Variants in SPTA1 observed in about 807,000 individuals in gnomAD.
SPTA1 encodes the protein spectrin alpha, erythrocytic 1.
A neutral mutation model predicts 324.7 loss-of-function variants in SPTA1; 177 were observed. That is an observed-to-expected ratio of 0.55 (90% CI 0.48 to 0.62). The LOEUF is 0.62. Among genes scored for constraint, SPTA1 ranks in the 20% least tolerant of loss-of-function variants. SPTA1 has a pLI of 0.00. For missense variants in SPTA1, 3,162 were observed against 2,883.6 expected, an observed-to-expected ratio of 1.10 and a Z score of -2.21; for synonymous variants, 1,195 against 1,041.3, an observed-to-expected ratio of 1.15 and a Z score of -2.84.
intron 37 of SPTA1, among the ~76,000 whole-genome samples, chr1:158,636,263 C>A (rs1010544939): frequency 2.6e-5 from 4 of 152,180 alleles, no homozygotes; most frequent in Non-Finnish European, 5.9e-5. Flanking sequence ...CACTAGTCTA[C>A]TCTCCCTAAT....
At chr1:158,631,116 C>T (rs1650645011) in intron 39 of SPTA1, among the ~76,000 whole-genome samples, 1 of 152,128 alleles carries the variant, frequency 6.6e-6, no homozygotes, top group Non-Finnish European at 1.5e-5. Context: ...TACTGGGTAT[C>T]TACCCAAAGG....
At chr1:158,658,232 C>A (rs1445336633) in intron 18 of SPTA1, among the ~76,000 whole-genome samples, 1 of 152,068 alleles carries the variant, frequency 6.6e-6, no homozygotes, top group African/African-American at 2.4e-5. Context: ...GGTAGCTAAC[C>A]CAGATAGAAC....
At position 158,657,685 on chromosome 1, in the gene SPTA1, G is replaced by A. The variant is rs1652928523; in HGVS notation, c.2597C>T (p.Ala866Val). 1 of 1,613,910 alleles carries A rather than the reference G, an allele frequency of 6.2e-7. No homozygotes were observed. The highest frequency in any genetic ancestry group is 1.3e-5 in the African/African-American group (1 of 74,896). ...GACCCTAGAGGCCACATCTTCTGCA[G>A]CAAAGTGTCCTATGGAGTAATTATA... Reference protein sequence around the residue: ...GNKMVEEGHFAAEDVASRVKS... With the variant: ...GNKMVEEGHFVAEDVASRVKS... The change falls in exon 19 of 52, where the codon GCT becomes GTT. Residue 866 changes from alanine (A) to valine (V), a missense_variant. Transcript: ENST00000643759.
Position 158,642,868 on chromosome 1 carries a change from A to T in SPTA1, c.4551T>A (p.Ser1517Arg), listed in dbSNP as rs1464339358. Residue 1517 changes from serine (S) to arginine (R), a missense_variant, in exon 32 of 52, where the codon AGT becomes AGA. Coordinates refer to ENST00000643759, the MANE Select transcript of SPTA1 (RefSeq NM_003126.4). ...CATCACAGGCTGTGGGCAGCATCTC[A>T]CTGATCCATTCTTCCAGCTCCTCAA... ...RDLEELEEWI[S>R]EMLPTACDES... The T allele has an allele frequency of 6.2e-7, 1 of 1,613,648 alleles. No individual in the cohort carries two copies. The highest frequency in any genetic ancestry group is 8.5e-7 in the Non-Finnish European group (1 of 1,179,800).
rs758709393 is a variant in SPTA1 at position 158,654,654 on chromosome 1, A to G, written c.2993T>C (p.Met998Thr). ...FQARSPREVT[M>T]KKGDVLTLLS... ...CAGCGTTAAGACATCACCTTTCTTC[A>G]TGGTGACTTCTCGGGGGCTGCGGGC... Residue 998 changes from methionine to threonine, a missense_variant, in exon 21 of 52, where the codon ATG becomes ACG. By Grantham distance (81) the Met-to-Thr change is moderately conservative. Transcript: ENST00000643759. The G allele has an allele frequency of 6.2e-7, 1 of 1,613,918 alleles. No homozygotes were observed. The highest frequency in any genetic ancestry group is 1.7e-5 in the Admixed American group (1 of 59,996).
At chr1:158,656,496 C>T in intron 20 of SPTA1, 68 bp downstream of exon 20, 1 of 1,425,012 alleles carries the variant, frequency 7.0e-7, no homozygotes. Context: ...AAAAAATCAG[C>T]AATAAAGACA....
At chr1:158,650,615 G>T (rs1385594539) in intron 24 of SPTA1, among the ~76,000 whole-genome samples, 1 of 152,096 alleles carries the variant, frequency 6.6e-6, no homozygotes, top group African/African-American at 2.4e-5. Context: ...AAACTTTCTT[G>T]ATCAACCTCT....
chr1:158,617,951 T>A, intron 46 of SPTA1, 88 bp downstream of exon 46: 1 of 1,269,580 alleles, frequency 7.9e-7, no homozygotes, highest in Non-Finnish European at 1.2e-6. Context: ...TACAATGGAA[T>A]GAAAATGTCT....
At chr1:158,636,334 G>T (rs569189523) in intron 37 of SPTA1, among the ~76,000 whole-genome samples, 1 of 152,198 alleles carries the variant, frequency 6.6e-6, no homozygotes, top group Non-Finnish European at 1.5e-5. Context: ...ACCCAGAGTT[G>T]CCTTCTTCCC....
rs12071102 is a variant in SPTA1 at position 158,657,709 on chromosome 1, T to C, written c.2588-15A>G. Reference sequence around the variant, plus strand: ...AGCAAAGTGTCCTATGGAGTAATTATAGAAAAGGTGAGTATGATCCTCATG... The same window carrying C: ...AGCAAAGTGTCCTATGGAGTAATTACAGAAAAGGTGAGTATGATCCTCATG... On this transcript the variant is annotated splice_polypyrimidine_tract_variant and intron_variant, in intron 18 of 51. Transcript: ENST00000643759. The C allele has an allele frequency of 1.5e-4, 246 of 1,613,042 alleles. No homozygotes were observed. The African/African-American group carries it at 3.0e-3, about 20-fold the overall frequency.
intron 30 of SPTA1, among the ~76,000 whole-genome samples, 173 bp downstream of exon 30, chr1:158,644,080 T>C (rs907788915): frequency 4.7e-5 from 7 of 148,138 alleles, no homozygotes; most frequent in African/African-American, 1.5e-4. Flanking sequence ...GAGGTTGCAG[T>C]CAGCCGAGAT....
intron 5 of SPTA1, among the ~76,000 whole-genome samples, chr1:158,680,284 G>T (rs1654706069): frequency 6.6e-6 from 1 of 151,982 alleles, no homozygotes; most frequent in African/African-American, 2.4e-5. Context: ...TCAGTGTACT[G>T]CATGGTACAG....
At chr1:158,634,706 T>A (rs970437252) in intron 38 of SPTA1, 31 bp from the exon 39 acceptor site, 31 of 1,613,614 alleles carry the variant, frequency 1.9e-5, no homozygotes, top group Non-Finnish European at 2.6e-5. Context: ...CCAGTGAGGA[T>A]AAGAACAAAC....
chr1:158,641,818 C>A (rs989639192), intron 33 of SPTA1, among the ~76,000 whole-genome samples: 36 of 152,068 alleles, frequency 2.4e-4, no homozygotes, highest in African/African-American at 8.0e-4. Context: ...GGGTATATAC[C>A]CAAAGGATTA....
Position 158,619,330 on chromosome 1 carries a change from C to T in SPTA1, c.6422G>A (p.Arg2141Gln), listed in dbSNP as rs201838571. ...CTCTTCCTTTTGCAGCTCCTGCTCC[C>T]GTTCCTAAAACCCCAAATCACAGAC... ...WKHLSDIIEEREQELQKEEAR... is the reference protein window; with the variant it reads ...WKHLSDIIEEQEQELQKEEAR... The change falls in exon 45 of 52, where the codon CGG becomes CAG. Residue 2141 changes from arginine (R) to glutamine (Q), a missense_variant. By Grantham distance (43) the Arg-to-Gln change is conservative. Transcript: ENST00000643759. The T allele has an allele frequency of 4.8e-5, 78 of 1,614,056 alleles. No homozygotes were observed. The highest frequency in any genetic ancestry group is 6.3e-5 in the Non-Finnish European group (74 of 1,179,940).
chr1:158,674,125 G>A (rs1040522118), intron 10 of SPTA1, among the ~76,000 whole-genome samples: 23 of 152,134 alleles, frequency 1.5e-4, no homozygotes, highest in Admixed American at 1.4e-3. Flanking sequence ...TTTGGCACCT[G>A]AGGGAGGTCC....
intron 39 of SPTA1, among the ~76,000 whole-genome samples, chr1:158,629,188 T>TAC (rs1280561852): frequency 1.8e-3 from 6 of 3,340 alleles, no homozygotes; most frequent in African/African-American, 2.2e-3. Context: ...AAAATATATC[T>TAC]CTATCTATCT....
chr1:158,665,978 A>G (rs1427583103), intron 16 of SPTA1, among the ~76,000 whole-genome samples: 1 of 152,090 alleles, frequency 6.6e-6, no homozygotes, highest in East Asian at 1.9e-4. Context: ...AAAGTCAATA[A>G]AGCCTTACAC....
chr1:158,628,845 T>C (rs1218091325), intron 39 of SPTA1, among the ~76,000 whole-genome samples: 2 of 152,040 alleles, frequency 1.3e-5, no homozygotes, highest in African/African-American at 2.4e-5. Flanking sequence ...AGAAAATAGA[T>C]AAATTCCTAG....
Sources: allele counts gnomAD v4.1 joint callset (sites outside exome capture counted in the v4.1 genomes callset), GRCh38; gene constraint gnomAD v4.1.1; transcripts MANE v1.5; gene names NCBI Gene and HGNC (gene_info 2026-07-23, HGNC 2026-07-21).